The following RPH3A variants were observed in gnomAD, a reference collection of about 807,000 sequenced individuals.
RPH3A encodes rabphilin 3A.
In RPH3A, 48 loss-of-function variants were observed where a neutral mutation model predicts 102.2. That is an observed-to-expected ratio of 0.47 (90% confidence interval 0.37 to 0.60). RPH3A has a LOEUF of 0.60. Ranked by LOEUF, RPH3A falls within the 20% of genes least tolerant of loss-of-function variation. The pLI is 0.00. For synonymous variants in RPH3A, 310 were observed against 324.3 expected (o/e 0.96, Z 0.47); for missense variants, 781 against 910.1 (o/e 0.86, Z 1.83).
chr12:112,632,815 G>C (rs2039816034), intron 1 of RPH3A, among the ~76,000 whole-genome samples: 1 of 152,166 alleles, frequency 6.6e-6, no homozygotes, highest in African/African-American at 2.4e-5. Context: ...ACAAGGGAGA[G>C]AAGTGAGAGG....
chr12:112,783,308 T>C (rs959946460), intron 1 of RPH3A, among the ~76,000 whole-genome samples: 2 of 152,110 alleles, frequency 1.3e-5, no homozygotes, highest in African/African-American at 4.8e-5. Flanking sequence ...TTACATGGCA[T>C]TGCCCCACCC....
At chr12:112,611,705 C>T (rs763145603) in intron 1 of RPH3A, among the ~76,000 whole-genome samples, 6 of 152,068 alleles carry the variant, frequency 3.9e-5, no homozygotes, top group Admixed American at 1.3e-4. Flanking sequence ...CTCAGCCTCC[C>T]GAAGTGCTGG....
At position 112,890,845 on chromosome 12, in the gene RPH3A, G is replaced by A. The variant is rs1243369350; in HGVS notation, c.1621-4G>A. The A allele has an allele frequency of 1.1e-5, 18 of 1,613,042 alleles. No homozygotes were observed. Among genetic ancestry groups the A allele is most frequent in the Non-Finnish European group, 1.5e-5 (18 of 1,179,432 alleles). On this transcript the variant is annotated splice_polypyrimidine_tract_variant and splice_region_variant and intron_variant, in intron 18 of 21. Transcript: ENST00000389385. ...GGCCCACACTGCCTTTTCCCCCAATGCAGCAGGTGGAGCGTGTTGGTGACA... is the reference window on the plus strand; with the variant it reads ...GGCCCACACTGCCTTTTCCCCCAATACAGCAGGTGGAGCGTGTTGGTGACA...
intron 1 of RPH3A, among the ~76,000 whole-genome samples, chr12:112,707,815 C>T (rs190265543): frequency 1.6e-4 from 25 of 152,306 alleles, no homozygotes; most frequent in Admixed American, 6.5e-4. Context: ...GTGCCAGGCC[C>T]ATTGCCTGAT....
At chr12:112,588,481 A>G (rs1001000262) in intron 1 of RPH3A, among the ~76,000 whole-genome samples, 12 of 152,184 alleles carry the variant, frequency 7.9e-5, no homozygotes, top group African/African-American at 2.4e-4. Context: ...ATGGGAAAAA[A>G]CCTGCTCCCA....
intron 17 of RPH3A, among the ~76,000 whole-genome samples, chr12:112,889,484 A>C (rs1383857973): frequency 2.0e-5 from 3 of 152,132 alleles, no homozygotes; most frequent in Non-Finnish European, 2.9e-5. Flanking sequence ...AACTTCCCCC[A>C]TTATGTCCCA....
chr12:112,784,840 AGAC>A, intron 1 of RPH3A, among the ~76,000 whole-genome samples: 1 of 152,338 alleles, frequency 6.6e-6, no homozygotes, highest in South Asian at 2.1e-4. Flanking sequence ...AGGACTTGGG[AGAC>A]GAAAGGTTCT....
At chr12:112,698,506 G>A (rs1796114550) in intron 1 of RPH3A, among the ~76,000 whole-genome samples, 1 of 151,916 alleles carries the variant, frequency 6.6e-6, no homozygotes, top group Non-Finnish European at 1.5e-5. Flanking sequence ...TAGCTGATAA[G>A]TGACATATAT....
At chr12:112,582,001 C>T (rs1042628102) in intron 1 of RPH3A, among the ~76,000 whole-genome samples, 1 of 147,598 alleles carries the variant, frequency 6.8e-6, no homozygotes, top group Non-Finnish European at 1.5e-5. Context: ...GTAGTTTTTT[C>T]TTGTTATGAA....
At chr12:112,884,365 C>T (rs1184700855) in intron 16 of RPH3A, among the ~76,000 whole-genome samples, 1 of 152,168 alleles carries the variant, frequency 6.6e-6, no homozygotes, top group African/African-American at 2.4e-5. Context: ...TTCCTTCTCT[C>T]CCAAGAGCTA....
At chr12:112,844,715 G>A (rs1265579141) in intron 4 of RPH3A, among the ~76,000 whole-genome samples, 2 of 152,214 alleles carry the variant, frequency 1.3e-5, no homozygotes, top group African/African-American at 4.8e-5. Context: ...CATCCTGCTG[G>A]ACTGGGTTTC....
intron 1 of RPH3A, among the ~76,000 whole-genome samples, chr12:112,590,292 G>C (rs558656149): frequency 6.6e-6 from 1 of 152,200 alleles, no homozygotes; most frequent in Non-Finnish European, 1.5e-5. Context: ...TGGCATTTCA[G>C]TGTGGCTGTT....
chr12:112,825,615 G>A (rs952808047), intron 2 of RPH3A, among the ~76,000 whole-genome samples: 8 of 152,106 alleles, frequency 5.3e-5, no homozygotes, highest in South Asian at 4.2e-4. Context: ...GAGTTGAGCC[G>A]CACTGACAGT....
At chr12:112,667,347 A>G (rs532284637) in intron 1 of RPH3A, among the ~76,000 whole-genome samples, 16 of 152,220 alleles carry the variant, frequency 1.1e-4, no homozygotes, top group African/African-American at 3.6e-4. Context: ...AGCTCAAATA[A>G]TATGTCAAAA....
At chr12:112,656,795 G>GTATA (rs112550203) in intron 1 of RPH3A, among the ~76,000 whole-genome samples, 4 of 150,872 alleles carry the variant, frequency 2.7e-5, no homozygotes, top group African/African-American at 9.8e-5. Flanking sequence ...GTGTGTGTGT[G>GTATA]TATATATATA....
chr12:112,585,172 C>T lies in RPH3A; in HGVS notation c.-140+9853C>T, dbSNP rs10160861. On this transcript the variant is annotated intron_variant, in intron 1 of 21. Coordinates refer to the RPH3A transcript ENST00000543106. ...AGTGTAGTCCTTCCACGTTCCTCTG[C>T]CTGCTTTTATCCTAGCCGTGGGCAG... Among the ~76,000 whole-genome samples, 36 of 152,174 alleles carry T rather than the reference C, an allele frequency of 2.4e-4. 1 individual carries two copies. Among genetic ancestry groups the T allele is most frequent in the Non-Finnish European group, 4.4e-5 (3 of 68,030 alleles).
In RPH3A at chr12:112,828,352, C is replaced by G. The variant is rs535623413; in HGVS notation, c.34C>G (p.Arg12Gly). 6.5e-5 allele frequency: 104 copies of G among 1,609,138 alleles called. No individual in the cohort carries two copies. The South Asian group carries it at 1.1e-3, about 17-fold the overall frequency. The change falls in exon 3 of 22, where the codon CGT (arginine) becomes GGT (glycine). Residue 12 changes from arginine to glycine, a missense_variant. By Grantham distance (125) the Arg-to-Gly change is moderately radical. Coordinates refer to ENST00000389385, the MANE Select transcript of RPH3A (RefSeq NM_001143854.2). Reference sequence around the variant, plus strand: ...CACCGTGTTCAGCAACAGTTCTAACCGTTGGATGTACCCCAGTGACCGGCC... The same window carrying G: ...CACCGTGTTCAGCAACAGTTCTAACGGTTGGATGTACCCCAGTGACCGGCC... ...TDTVFSNSSN[R>G]WMYPSDRPLQ...
At chr12:112,853,609 A>G (rs2042361172) in intron 5 of RPH3A, among the ~76,000 whole-genome samples, 1 of 152,174 alleles carries the variant, frequency 6.6e-6, no homozygotes, top group South Asian at 2.1e-4. Context: ...CGGGTGGATC[A>G]CTTGAGGCAA....
intron 1 of RPH3A, among the ~76,000 whole-genome samples, chr12:112,722,724 G>T (rs560671908): frequency 3.3e-5 from 5 of 152,252 alleles, no homozygotes; most frequent in Admixed American, 1.3e-4. Context: ...TGTGGTTGGG[G>T]CTGCAGCAGC....
Sources: allele counts gnomAD v4.1 joint callset (sites outside exome capture counted in the v4.1 genomes callset), GRCh38; gene constraint gnomAD v4.1.1; transcripts MANE v1.5; gene names NCBI Gene and HGNC (gene_info 2026-07-23, HGNC 2026-07-21).